Variants in MCM9 observed in about 807,000 individuals in gnomAD.
MCM9 encodes minichromosome maintenance 9 homologous recombination repair factor.
MCM9 carries 55 observed loss-of-function variants against 72.8 expected under a neutral mutation model. The ratio of observed to expected loss-of-function variants is 0.76; its 90% confidence interval spans 0.61 to 0.95. The LOEUF is 0.95. MCM9 is among the 40% of genes least tolerant of loss of function. The pLI, the probability that MCM9 is intolerant of heterozygous loss-of-function variation, is 0.00. For missense variants in MCM9, 1,279 were observed against 1,377.0 expected (o/e 0.93, Z 1.13); for synonymous variants, 480 against 503.4 (o/e 0.95, Z 0.62).
intron 8 of MCM9, among the ~76,000 whole-genome samples, chr6:118,870,398 T>C (rs1215668040): frequency 7.1e-6 from 1 of 140,614 alleles, no homozygotes; most frequent in East Asian, 2.1e-4. Flanking sequence ...TGAACAACTA[T>C]TGGGTCAAAG....
chr6:118,880,895 A>G (rs1778243511), intron 8 of MCM9, among the ~76,000 whole-genome samples: 1 of 151,972 alleles, frequency 6.6e-6, no homozygotes, highest in Non-Finnish European at 1.5e-5. Context: ...ACGTTCCAAG[A>G]CCCCCAGTGC....
rs183959327 is a variant in MCM9, at chr6:118,817,709, G to A, written c.1962-1415C>T. 1.9e-3 allele frequency among the ~76,000 whole-genome samples: 285 copies of A among 152,196 alleles called. 1 individual carries two copies. Among genetic ancestry groups the A allele is most frequent in the South Asian group, 0.01 (50 of 4,816 alleles). ...TCTGGTTCTAGATCCTTGAGGAATC[G>A]CCACACTGTCTTCCACAATGGCTGA... On this transcript the variant is annotated intron_variant, in intron 13 of 13. Transcript: ENST00000619706.
intron 9 of MCM9, among the ~76,000 whole-genome samples, chr6:118,846,555 G>A (rs1775880048): frequency 6.6e-6 from 1 of 151,734 alleles, no homozygotes; most frequent in African/African-American, 2.4e-5. Flanking sequence ...AAAGTTCCGG[G>A]GACCAGAGCT....
At chr6:118,912,108 G>A (rs1211131772) in intron 7 of MCM9, 4 of 164,234 alleles carry the variant, frequency 2.4e-5, no homozygotes, top group Non-Finnish European at 5.2e-5. Context: ...ACTTGAGCCC[G>A]GAAATGTGAG....
At chr6:118,819,849 G>A (rs571768693) in intron 13 of MCM9, among the ~76,000 whole-genome samples, 42 of 152,108 alleles carry the variant, frequency 2.8e-4, no homozygotes, top group Non-Finnish European at 4.7e-4. Context: ...TTAGTCTTGG[G>A]AGGGTTTATG....
chr6:118,878,794 C>T (rs1778098857), intron 8 of MCM9, among the ~76,000 whole-genome samples: 1 of 152,078 alleles, frequency 6.6e-6, no homozygotes, highest in Non-Finnish European at 1.5e-5. Context: ...CAGTGGCTTA[C>T]ACCTGTAATC....
chr6:118,919,292 A>G (rs945326011), intron 5 of MCM9: 1 of 152,210 alleles, frequency 6.6e-6, no homozygotes, highest in Non-Finnish European at 1.5e-5. Flanking sequence ...ACCTCATCAG[A>G]TTTGGATTTA....
At chr6:118,920,011 C>G (rs1193731194) in intron 5 of MCM9, 3 of 152,192 alleles carry the variant, frequency 2.0e-5, no homozygotes, top group Non-Finnish European at 4.4e-5. Context: ...TTGCTTCTAT[C>G]CATCCTTCAT....
At chr6:118,840,600 T>A (rs1775289654) in intron 9 of MCM9, among the ~76,000 whole-genome samples, 1 of 152,152 alleles carries the variant, frequency 6.6e-6, no homozygotes, top group Non-Finnish European at 1.5e-5. Flanking sequence ...CAGGCCTTGA[T>A]TTTTAAAAAT....
At chr6:118,876,412 T>C (rs557671460) in intron 8 of MCM9, among the ~76,000 whole-genome samples, 14 of 152,314 alleles carry the variant, frequency 9.2e-5, no homozygotes, top group African/African-American at 3.4e-4. Context: ...TCATTGTTGG[T>C]TTATCGGTTG....
chr6:118,915,115 A>G (rs1030375858), intron 6 of MCM9, among the ~76,000 whole-genome samples: 9 of 152,230 alleles, frequency 5.9e-5, no homozygotes, highest in African/African-American at 2.2e-4. Context: ...AACACAAAAG[A>G]CTACAAAGGT....
intron 13 of MCM9, among the ~76,000 whole-genome samples, chr6:118,822,961 C>T (rs1343329055): frequency 6.6e-6 from 1 of 152,130 alleles, no homozygotes; most frequent in Non-Finnish European, 1.5e-5. Context: ...CACTCCTCCC[C>T]CTACAAGCTC....
intron 9 of MCM9, among the ~76,000 whole-genome samples, chr6:118,832,154 G>C (rs929804543): frequency 2.1e-4 from 32 of 152,098 alleles, no homozygotes; most frequent in African/African-American, 7.2e-4. Context: ...TCAAACTCCT[G>C]GGCTCAAGTG....
intron 8 of MCM9, among the ~76,000 whole-genome samples, chr6:118,857,349 T>C (rs890974954): frequency 3.9e-5 from 6 of 152,148 alleles, no homozygotes; most frequent in African/African-American, 1.2e-4. Flanking sequence ...TACCAGTCAA[T>C]AAAGCAGAAT....
intron 8 of MCM9, among the ~76,000 whole-genome samples, chr6:118,860,672 C>G (rs749749419): frequency 6.6e-6 from 1 of 151,950 alleles, no homozygotes; most frequent in African/African-American, 2.4e-5. Context: ...ATTCAAACTT[C>G]AGAAAATCAA....
intron 8 of MCM9, among the ~76,000 whole-genome samples, chr6:118,865,643 C>T (rs1007839072): frequency 6.6e-6 from 1 of 152,182 alleles, no homozygotes; most frequent in Non-Finnish European, 1.5e-5. Context: ...AGCTCTGCAG[C>T]AGCCAAAACA....
At chr6:118,825,644 T>G (rs1395449999) in intron 13 of MCM9, among the ~76,000 whole-genome samples, 8 of 152,242 alleles carry the variant, frequency 5.3e-5, no homozygotes, top group Admixed American at 1.3e-4. Flanking sequence ...CCTAGGTTTT[T>G]AGAAGTCCAC....
At chr6:118,927,602 G>A (rs1426863330) in intron 3 of MCM9, among the ~76,000 whole-genome samples, 2 of 150,384 alleles carry the variant, frequency 1.3e-5, no homozygotes, top group East Asian at 3.9e-4. Context: ...CAAAACTCTT[G>A]TCTCAAAAAA....
chr6:118,815,182 T>C lies in MCM9; in HGVS notation c.3074A>G (p.Glu1025Gly), dbSNP rs764634527. The change falls in exon 14 of 14, where the codon GAG becomes GGG. Residue 1025 changes from glutamate (E) to glycine (G), a missense_variant. Coordinates refer to ENST00000619706, the MANE Select transcript of MCM9 (RefSeq NM_017696.3). ...IIQPELELGN[E>G]TGCAHLTCEG... The stretch of plus-strand genomic sequence containing the variant: ...ACAAGTAAGATGAGCACACCCAGTC[T>C]CGTTCCCAAGCTCTAATTCAGGCTG... 1 of 1,550,556 alleles carries C rather than the reference T, an allele frequency of 6.4e-7. No homozygotes were observed. Among genetic ancestry groups the C allele is most frequent in the South Asian group, 1.2e-5 (1 of 84,044 alleles).
Sources: allele counts gnomAD v4.1 joint callset (sites outside exome capture counted in the v4.1 genomes callset), GRCh38; gene constraint gnomAD v4.1.1; transcripts MANE v1.5; gene names NCBI Gene and HGNC (gene_info 2026-07-23, HGNC 2026-07-21).